PRKCH: variants seen among roughly 807,000 people sequenced by gnomAD.
PRKCH encodes protein kinase C eta type.
A neutral mutation model predicts 82.5 loss-of-function variants in PRKCH; 28 were observed. The observed-to-expected ratio is 0.34, with a 90% confidence interval of 0.25 to 0.47. PRKCH has a LOEUF of 0.47. PRKCH is among the 20% of genes least tolerant of loss of function. The pLI, the probability that PRKCH is intolerant of heterozygous loss-of-function variation, is 1.00. For synonymous variants in PRKCH, 322 were observed against 327.4 expected (o/e 0.98, Z 0.18); for missense variants, 705 against 881.8 (o/e 0.80, Z 2.54).
At chr14:61,520,931 G>A (rs1303165433) in intron 10 of PRKCH, among the ~76,000 whole-genome samples, 1 of 152,102 alleles carries the variant, frequency 6.6e-6, no homozygotes, top group Non-Finnish European at 1.5e-5. Flanking sequence ...TGCAAATCAT[G>A]TTCATTACTC....
chr14:61,540,200 T>C (rs563042214), intron 12 of PRKCH, among the ~76,000 whole-genome samples: 11 of 152,334 alleles, frequency 7.2e-5, no homozygotes, highest in African/African-American at 2.4e-4. Context: ...GCACTGTATG[T>C]ACTTCTCAGC....
chr14:61,365,169 T>A (rs2046282443), intron 1 of PRKCH, among the ~76,000 whole-genome samples: 1 of 152,062 alleles, frequency 6.6e-6, no homozygotes, highest in Admixed American at 6.5e-5. Flanking sequence ...AATAAGAAAC[T>A]TCATTTTGGT....
chr14:61,237,718 T>G (rs1733869661), intron 1 of PRKCH, among the ~76,000 whole-genome samples: 1 of 152,180 alleles, frequency 6.6e-6, no homozygotes, highest in African/African-American at 2.4e-5. Context: ...TTACCTCCAG[T>G]TGTCCCCCTT....
chr14:61,401,559 G>A (rs1881622172), intron 2 of PRKCH, among the ~76,000 whole-genome samples: 1 of 152,128 alleles, frequency 6.6e-6, no homozygotes, highest in Non-Finnish European at 1.5e-5. Flanking sequence ...TTGCCCCAAT[G>A]GTGCAAAAGA....
chr14:61,285,665 G>T (rs960123271), intron 1 of PRKCH, among the ~76,000 whole-genome samples: 2 of 152,086 alleles, frequency 1.3e-5, no homozygotes, highest in African/African-American at 4.8e-5. Flanking sequence ...CACAAATGGG[G>T]GGCATTCAGT....
chr14:61,485,412 T>C, intron 9 of PRKCH, 90 bp from the exon 10 acceptor site: 4 of 1,464,700 alleles, frequency 2.7e-6, no homozygotes, highest in Non-Finnish European at 3.7e-6. Context: ...CAGTGTCCTC[T>C]CTATGCCACA....
chr14:61,190,124 A>G (rs1310943256), intron 1 of PRKCH, among the ~76,000 whole-genome samples: 1 of 152,214 alleles, frequency 6.6e-6, no homozygotes, highest in African/African-American at 2.4e-5. Context: ...TTGGGCTGAT[A>G]AAATATATTA....
rs200414083 is a variant in PRKCH, at chr14:61,441,728, T to A, written c.428-1383T>A. 2.3e-4 allele frequency among the ~76,000 whole-genome samples: 22 copies of A among 95,108 alleles called. No homozygotes were observed. The East Asian group carries it at 8.9e-3, about 38-fold the overall frequency. The allele number at this position is 95,108 out of a possible 152,430, so 62.4% of individuals were successfully genotyped here. A position where few individuals can be genotyped will look rare whatever the true frequency, so the allele number is the denominator to read the frequency against. ...CTTTCTTTCAATTTTCTGCTTTGTA[T>A]TTTTTTTTTTTTTTTTGCCAAATAG... On this transcript the variant is annotated intron_variant, in intron 2 of 13. Coordinates refer to ENST00000332981, the MANE Select transcript of PRKCH (RefSeq NM_006255.5).
chr14:61,200,899 A>ATCCATTGAATGTCATGAAACATATT (rs1415635298), intron 1 of PRKCH, among the ~76,000 whole-genome samples: 11 of 152,286 alleles, frequency 7.2e-5, no homozygotes, highest in African/African-American at 2.6e-4. Context: ...GGTTTCGGGC[A>ATCCATTGAATGTCATGAAACATATT]TCCATTGAAT....
At chr14:61,383,107 G>A (rs948945585) in intron 1 of PRKCH, among the ~76,000 whole-genome samples, 2 of 152,134 alleles carry the variant, frequency 1.3e-5, no homozygotes, top group Admixed American at 6.5e-5. Flanking sequence ...CTGGGGATCC[G>A]GTGGGTACAT....
chr14:61,430,139 A>G (rs1883313232), intron 2 of PRKCH, among the ~76,000 whole-genome samples: 1 of 152,204 alleles, frequency 6.6e-6, no homozygotes, highest in Non-Finnish European at 1.5e-5. Flanking sequence ...AAACAGCCCA[A>G]TTTTAAAAAA....
intron 1 of PRKCH, among the ~76,000 whole-genome samples, chr14:61,196,342 T>C (rs1033919922): frequency 3.3e-5 from 5 of 152,130 alleles, no homozygotes; most frequent in Non-Finnish European, 7.4e-5. Flanking sequence ...CAAGAGACAA[T>C]GGATTGATAA....
chr14:61,477,174 C>T (rs927433605), intron 9 of PRKCH: 2 of 152,246 alleles, frequency 1.3e-5, no homozygotes, highest in Non-Finnish European at 2.9e-5. Context: ...GTCAATAGCA[C>T]TCTGCAGCTT....
chr14:61,486,388 C>G (rs1374682075), intron 10 of PRKCH, among the ~76,000 whole-genome samples: 1 of 152,112 alleles, frequency 6.6e-6, no homozygotes, highest in Non-Finnish European at 1.5e-5. Context: ...CGTGTGTAGC[C>G]CCCTCCCAAA....
At chr14:61,520,395 G>A (rs956279609) in intron 10 of PRKCH, among the ~76,000 whole-genome samples, 99 of 152,116 alleles carry the variant, frequency 6.5e-4, no homozygotes, top group Non-Finnish European at 1.2e-4. Context: ...AGAATTGTAT[G>A]AGCCTATAAG....
intron 1 of PRKCH, among the ~76,000 whole-genome samples, chr14:61,199,654 T>A (rs1032900703): frequency 2.6e-5 from 4 of 152,166 alleles, no homozygotes; most frequent in African/African-American, 9.7e-5. Context: ...TTTGATAATT[T>A]GATTTATTAA....
chr14:61,236,728 A>G (rs992880679), intron 1 of PRKCH, among the ~76,000 whole-genome samples: 3 of 148,540 alleles, frequency 2.0e-5, no homozygotes, highest in South Asian at 2.1e-4. Context: ...AAAAAAAAAA[A>G]AAAGAAAAGA....
intron 1 of PRKCH, among the ~76,000 whole-genome samples, chr14:61,310,599 G>T (rs2045515497): frequency 6.6e-6 from 1 of 152,206 alleles, no homozygotes; most frequent in Non-Finnish European, 1.5e-5. Context: ...TGTTGGTGTT[G>T]AGTGCCTGTG....
chr14:61,195,219 AACTCT>A (rs1594846405), intron 1 of PRKCH, among the ~76,000 whole-genome samples: 1 of 152,062 alleles, frequency 6.6e-6, no homozygotes, highest in Non-Finnish European at 1.5e-5. Context: ...TTTTATTTTG[AACTCT>A]ACTCTGTGGT....
Sources: allele counts gnomAD v4.1 joint callset (sites outside exome capture counted in the v4.1 genomes callset), GRCh38; gene constraint gnomAD v4.1.1; transcripts MANE v1.5; gene names NCBI Gene and HGNC (gene_info 2026-07-23, HGNC 2026-07-21).